Variants in HECW2 observed in about 807,000 individuals in gnomAD.
The protein encoded by HECW2 is E3 ubiquitin-protein ligase HECW2.
In HECW2, 61 loss-of-function variants were observed where a neutral mutation model predicts 175.2. The observed-to-expected ratio is 0.35, with a 90% CI of 0.28 to 0.43. The LOEUF is 0.43. Ranked by LOEUF, HECW2 falls within the 20% of genes least tolerant of loss-of-function variation. The probability of loss-of-function intolerance (pLI) is 1.00; values close to 1 mark genes in which losing one functional copy is unlikely to be tolerated. For synonymous variants in HECW2, 671 were observed against 731.0 expected (o/e 0.92, Z 1.32); for missense variants, 1,524 against 2,000.5 (o/e 0.76, Z 4.54).
At chr2:196,577,472 G>A (rs1290376019) in intron 1 of HECW2, among the ~76,000 whole-genome samples, 1 of 152,034 alleles carries the variant, frequency 6.6e-6, no homozygotes, top group Non-Finnish European at 1.5e-5. Context: ...GGAAAGACTG[G>A]CAAAAAGAAA....
intron 28 of HECW2, among the ~76,000 whole-genome samples, chr2:196,203,170 C>T (rs564810817): frequency 4.7e-4 from 71 of 152,132 alleles, no homozygotes; most frequent in Admixed American, 4.6e-4. Context: ...GAGATAGTAC[C>T]GACTCACCCA....
chr2:196,499,711 C>A (rs1291168284), intron 1 of HECW2, among the ~76,000 whole-genome samples: 5 of 152,140 alleles, frequency 3.3e-5, no homozygotes, highest in Admixed American at 1.3e-4. Flanking sequence ...CTTGACAATG[C>A]ATTAAAACGC....
chr2:196,361,918 C>G, intron 2 of HECW2: 1 of 985,356 alleles, frequency 1.0e-6, no homozygotes. Flanking sequence ...GGCCAACCCA[C>G]GTGGCAGTTT....
chr2:196,375,980 C>A (rs895827656), intron 2 of HECW2, among the ~76,000 whole-genome samples: 2 of 152,246 alleles, frequency 1.3e-5, no homozygotes, highest in Non-Finnish European at 2.9e-5. Flanking sequence ...TTTGGATACA[C>A]TGTCAGGTCC....
At chr2:196,502,845 A>G (rs975512524) in intron 1 of HECW2, among the ~76,000 whole-genome samples, 2 of 152,230 alleles carry the variant, frequency 1.3e-5, no homozygotes, top group African/African-American at 4.8e-5. Context: ...GTTCTTACAC[A>G]GGGCTACCTC....
At chr2:196,473,643 G>A (rs1697303550) in intron 1 of HECW2, among the ~76,000 whole-genome samples, 1 of 152,188 alleles carries the variant, frequency 6.6e-6, no homozygotes, top group African/African-American at 2.4e-5. Flanking sequence ...GCCTATGTCT[G>A]CCAACTTTCT....
At chr2:196,229,029 G>A (rs1687953190) in intron 21 of HECW2, among the ~76,000 whole-genome samples, 1 of 152,192 alleles carries the variant, frequency 6.6e-6, no homozygotes, top group South Asian at 2.1e-4. Context: ...GGCCAAAAAT[G>A]ACGAGAGTAA....
chr2:196,592,937 C>G (rs1201795329), intron 1 of HECW2: 1 of 151,484 alleles, frequency 6.6e-6, no homozygotes, highest in Non-Finnish European at 1.5e-5. Context: ...TTGCATGCAG[C>G]TCACGGCTGC....
intron 14 of HECW2, among the ~76,000 whole-genome samples, chr2:196,285,598 A>G (rs1311732612): frequency 2.0e-5 from 3 of 152,296 alleles, no homozygotes; most frequent in South Asian, 4.1e-4. Context: ...TTCCTTCCAA[A>G]TTATAACTCT....
intron 2 of HECW2, among the ~76,000 whole-genome samples, chr2:196,407,021 T>C (rs1490180674): frequency 1.3e-5 from 2 of 152,220 alleles, no homozygotes; most frequent in African/African-American, 2.4e-5. Flanking sequence ...CTCTGTTGTA[T>C]TTATTGCCAT....
chr2:196,441,381 A>AAC (rs35019279), intron 1 of HECW2, among the ~76,000 whole-genome samples: 2,561 of 150,880 alleles, frequency 0.017, 65 homozygotes, highest in African/African-American at 0.058. Context: ...CACACACACA[A>AAC]ACACACACAC....
intron 1 of HECW2, among the ~76,000 whole-genome samples, chr2:196,443,384 G>A (rs576989442): frequency 1.3e-5 from 2 of 152,260 alleles, no homozygotes; most frequent in South Asian, 4.2e-4. Flanking sequence ...GGAAGAACAA[G>A]GGCAACATCT....
chr2:196,213,715 A>G (rs913204883), intron 28 of HECW2, among the ~76,000 whole-genome samples: 6 of 152,226 alleles, frequency 3.9e-5, no homozygotes, highest in African/African-American at 1.4e-4. Context: ...TGTGTATGCT[A>G]CAATAATGAA....
chr2:196,558,461 T>TATGAGC (rs1288603522), intron 1 of HECW2, among the ~76,000 whole-genome samples: 7 of 152,264 alleles, frequency 4.6e-5, no homozygotes, highest in Non-Finnish European at 8.8e-5. Flanking sequence ...CAGGATACTA[T>TATGAGC]ATGAGCATGA....
At chr2:196,357,153 T>C (rs1277075170) in intron 2 of HECW2, among the ~76,000 whole-genome samples, 1 of 152,192 alleles carries the variant, frequency 6.6e-6, no homozygotes, top group Admixed American at 6.5e-5. Flanking sequence ...TGGCACACGA[T>C]GCTTCATGCC....
Position 196,358,585 on chromosome 2 carries a change from C to CAAAAAAAA in HECW2, c.293-14829_293-14822dup, listed in dbSNP as rs144181608. On this transcript the variant is annotated intron_variant, in intron 2 of 28. Coordinates refer to ENST00000644978, the MANE Select transcript of HECW2 (RefSeq NM_001348768.2). ...TGGGAGACAGAGCAAGACTCTGTCT[C>CAAAAAAAA]AAAAAAAAAAAAAAAAAAAAAAAAA... 4.0e-4 allele frequency among the ~76,000 whole-genome samples: 27 copies of CAAAAAAAA among 67,354 alleles called. 2 individuals are homozygous for CAAAAAAAA. The highest frequency in any genetic ancestry group is 1.6e-3 in the African/African-American group (25 of 15,832). The allele number at this position is 67,354 out of a possible 152,430, so 44.2% of individuals were successfully genotyped here. A position where few individuals can be genotyped will look rare whatever the true frequency, so the allele number is the denominator to read the frequency against.
rs571610881 is a variant in HECW2 at position 196,381,179 on chromosome 2, CCCTTAAGA to C, written c.293-37423_293-37416del. ...TGATGCTCTTTAGAAAGTCTAAAGT[CCCTTAAGA>C]CACTGTTCTGTGACCATGAACCTCA... is the stretch of plus-strand genomic sequence containing the variant. On this transcript the variant is annotated intron_variant, in intron 2 of 28. Coordinates refer to ENST00000644978, the MANE Select transcript of HECW2 (RefSeq NM_001348768.2). 7.9e-5 allele frequency among the ~76,000 whole-genome samples: 12 copies of C among 152,264 alleles called. No individual in the cohort carries two copies. The East Asian group carries it at 2.1e-3, about 27-fold the overall frequency.
At chr2:196,560,402 C>T (rs1689956970) in intron 1 of HECW2, among the ~76,000 whole-genome samples, 1 of 152,124 alleles carries the variant, frequency 6.6e-6, no homozygotes, top group African/African-American at 2.4e-5. Context: ...CACCTCGGGC[C>T]TCCCAAAGTG....
intron 18 of HECW2, among the ~76,000 whole-genome samples, chr2:196,256,158 A>G (rs1273365008): frequency 6.6e-6 from 1 of 152,242 alleles, no homozygotes; most frequent in African/African-American, 2.4e-5. Context: ...TTAAGCATGT[A>G]CATATAATAC....
Sources: gnomAD v4.1 joint callset for allele counts (sites outside exome capture counted in the v4.1 genomes callset) on GRCh38, gnomAD v4.1.1 for gene constraint, MANE v1.5 for transcripts, NCBI Gene and HGNC (gene_info 2026-07-23, HGNC 2026-07-21) for gene names.